Variants in CROCC2 observed in about 807,000 individuals in gnomAD.
The protein encoded by CROCC2 is ciliary rootlet coiled-coil, rootletin family member 2, also known as ciliary rootlet coiled-coil protein 2.
CROCC2 carries 163 observed loss-of-function variants against 177.6 expected under a neutral mutation model. The observed-to-expected ratio is 0.92, with a 90% CI of 0.81 to 1.05. The LOEUF (loss-of-function observed/expected upper bound fraction) is 1.05, where lower values mean the gene tolerates loss of function less well. CROCC2 is among the 50% of genes least tolerant of loss of function. The probability of loss-of-function intolerance (pLI) is 0.00; values close to 1 mark genes in which losing one functional copy is unlikely to be tolerated. For synonymous variants in CROCC2, 904 were observed against 787.3 expected, an observed-to-expected ratio of 1.15 and a Z score of -2.48; for missense variants, 1,929 against 1,797.8, an observed-to-expected ratio of 1.07 and a Z score of -1.32.
chr2:240,945,963 ACTT>A lies in CROCC2; in HGVS notation c.2170-91_2170-89del, dbSNP rs1267889737. The A allele has an allele frequency of 8.2e-5, 76 of 931,028 alleles. No homozygotes were observed. In the East Asian group the frequency reaches 2.0e-3, roughly 25 times the overall value. The allele number at this position is 931,028 out of a possible 1,614,324, so 57.7% of individuals were successfully genotyped here. ...CCTCCATGCCATTCTGCATAAAATCACTTCTTCTGAAGTCCTTTCTTCCCCTCA... is the reference window on the plus strand; with the variant it reads ...CCTCCATGCCATTCTGCATAAAATCACTTCTGAAGTCCTTTCTTCCCCTCA... On this transcript the variant is annotated intron_variant, in intron 14 of 31. Coordinates refer to ENST00000690015, the MANE Select transcript of CROCC2 (RefSeq NM_001351305.2).
chr2:240,968,344 A>G, intron 27 of CROCC2, 82 bp downstream of exon 27: 1 of 1,412,434 alleles, frequency 7.1e-7, no homozygotes, highest in South Asian at 1.5e-5. Flanking sequence ...CAGGGAGGCC[A>G]CAGGGCCGGG....
chr2:240,968,483 G>A (rs1005331172), intron 27 of CROCC2, among the ~76,000 whole-genome samples: 1 of 152,196 alleles, frequency 6.6e-6, no homozygotes, highest in Admixed American at 6.5e-5. Flanking sequence ...GACTGGGGTC[G>A]TCCTTAGCAG....
At chr2:240,936,762 T>C (rs2059473752) in intron 14 of CROCC2, among the ~76,000 whole-genome samples, 1 of 152,220 alleles carries the variant, frequency 6.6e-6, no homozygotes, top group African/African-American at 2.4e-5. Context: ...GTGGCTTATG[T>C]CTAGGTCCAT....
chr2:240,912,780 G>A (rs57305632), intron 1 of CROCC2, among the ~76,000 whole-genome samples: 7,016 of 152,268 alleles, frequency 0.046, 339 homozygotes, highest in East Asian at 0.23. Context: ...TAATCGTGCC[G>A]TGGTCTTTCT....
At position 240,960,423 on chromosome 2, in the gene CROCC2, G is replaced by T. The variant is rs997331528; in HGVS notation, c.3087+979G>T. Among the ~76,000 whole-genome samples the T allele has an allele frequency of 3.9e-5, 6 of 152,214 alleles. No individual in the cohort carries two copies. The East Asian group carries it at 1.2e-3, about 30-fold the overall frequency. ...GGTGGGGGACAGTCTTGGGCAGGGG[G>T]CAAGAGTGGCCAGGGCTAGGCTCAC... On this transcript the variant is annotated intron_variant, in intron 20 of 31. Transcript: ENST00000690015. The surrounding 1 kb of genome is among the most constrained non-coding windows in gnomAD (Gnocchi z 5.0).
Position 240,934,952 on chromosome 2 carries a change from AG to A in CROCC2, c.1830del (p.Arg610SerfsTer3). The A allele has an allele frequency of 6.6e-7, 1 of 1,518,884 alleles. No individual in the cohort carries two copies. Among genetic ancestry groups the A allele is most frequent in the Non-Finnish European group, 8.8e-7 (1 of 1,132,486 alleles). The allele number at this position is 1,518,884 out of a possible 1,614,324, so 94.1% of individuals were successfully genotyped here. Reference protein sequence around the residue: ...CSNADLELLVRRLKSEGVEQR... With the variant: ...CSNADLELLVXRLKSEGVEQR... ...CAATGCGGACCTGGAGCTTCTTGTG[AG>A]GCGGCTGAAGTCGGAGGGAGTGGAG... On this transcript the variant is annotated frameshift_variant, in exon 13 of 32. Coordinates refer to ENST00000690015, the MANE Select transcript of CROCC2 (RefSeq NM_001351305.2). LOFTEE classifies it high-confidence loss of function.
chr2:240,935,618 C>A, intron 14 of CROCC2, 30 bp downstream of exon 14: 1 of 1,365,122 alleles, frequency 7.3e-7, no homozygotes, highest in South Asian at 1.7e-5. Context: ...ATGCTGCCGC[C>A]GTCTGGGATG....
Position 240,930,190 on chromosome 2 carries a change from C to A in CROCC2, c.670C>A (p.Pro224Thr). 1 of 582,856 alleles carries A rather than the reference C, an allele frequency of 1.7e-6. No homozygotes were observed. Among genetic ancestry groups the A allele is most frequent in the Non-Finnish European group, 3.1e-6 (1 of 319,200 alleles). The allele number at this position is 582,856 out of a possible 1,614,324, so 36.1% of individuals were successfully genotyped here. ...GACCCGGTCAGGGGGCCTGGGGCAG[C>A]CCCGGGACCTCCTCCTCCTGTGGAG... ...RQTRSGGLGQ[P>T]RDLLLLWRQA... The change falls in exon 6 of 32, where the codon CCC becomes ACC. Residue 224 changes from proline to threonine, a missense_variant. Physicochemically the swap from Pro to Thr is conservative, Grantham distance 38. This residue lies in a region of CROCC2 where 1,397 missense variants were observed against 1,239.9 expected (regional missense o/e 1.13). Transcript: ENST00000690015.
intron 14 of CROCC2, among the ~76,000 whole-genome samples, chr2:240,941,600 A>G (rs1411354916): frequency 6.6e-6 from 1 of 152,250 alleles, no homozygotes; most frequent in Non-Finnish European, 1.5e-5. Flanking sequence ...TATTCAAGAA[A>G]TGGTGCTGGG....
rs569329385 is a variant in CROCC2 at position 240,982,678 on chromosome 2, G to T, written c.4402-202G>T. 136 of 519,540 alleles carry T rather than the reference G, an allele frequency of 2.6e-4. No homozygotes were observed. The highest frequency in any genetic ancestry group is 4.1e-4 in the Non-Finnish European group (121 of 296,572). 32.2% of individuals were successfully genotyped at this position (519,540 alleles called of 1,614,324 possible). On this transcript the variant is annotated intron_variant, in intron 27 of 31. Coordinates refer to ENST00000690015, the MANE Select transcript of CROCC2 (RefSeq NM_001351305.2). This position sits in a 1 kb window ranked among gnomAD's most constrained non-coding sequence, Gnocchi z 4.7. ...GACTTTCGTCTCAGGCTTCCTGGGG[G>T]TCCACACCTTTGAGGTTACATTGCA...
At chr2:240,950,859 C>T in intron 18 of CROCC2, 1 of 250,326 alleles carries the variant, frequency 4.0e-6, no homozygotes, top group Non-Finnish European at 7.7e-6. Flanking sequence ...ACCCATTCAC[C>T]CATCCATCTG....
intron 9 of CROCC2, 70 bp downstream of exon 9, chr2:240,932,978 G>A (rs2059443939): frequency 6.6e-7 from 1 of 1,520,566 alleles, no homozygotes; most frequent in South Asian, 1.2e-5. Flanking sequence ...CAGGCTGAAG[G>A]GTAGTTATGG....
chr2:240,980,995 A>G (rs372975235), intron 27 of CROCC2, among the ~76,000 whole-genome samples: 627 of 35,636 alleles, frequency 0.018, 1 homozygote, highest in African/African-American at 0.025. Context: ...AGGATCCCAG[A>G]CTCATCCCTG....
intron 14 of CROCC2, among the ~76,000 whole-genome samples, chr2:240,942,397 G>A (rs1254415775): frequency 6.6e-6 from 1 of 151,576 alleles, no homozygotes; most frequent in Admixed American, 6.6e-5. Flanking sequence ...ATACTTTTTG[G>A]GTCTTTGTCT....
Position 240,955,950 on chromosome 2 carries a change from A to G in CROCC2, c.2921A>G (p.Gln974Arg). The change falls in exon 19 of 32, where the codon CAG becomes CGG. Residue 974 changes from glutamine (Q) to arginine (R), a missense_variant. This residue lies in a region of CROCC2 where 1,397 missense variants were observed against 1,239.9 expected (regional missense o/e 1.13). Transcript: ENST00000690015. Reference sequence around the variant, plus strand: ...CTAGAGCGGGTACAGCAGGAGGCACAGAGCCAGCAGGAGCAAGCGCAGGTG... The same window carrying G: ...CTAGAGCGGGTACAGCAGGAGGCACGGAGCCAGCAGGAGCAAGCGCAGGTG... ...RTLERVQQEA[Q>R]SQQEQAQATI... is the part of the protein sequence containing the mutation. The G allele has an allele frequency of 1.3e-6, 2 of 1,534,616 alleles. No homozygotes were observed. Among genetic ancestry groups the G allele is most frequent in the Non-Finnish European group, 1.7e-6 (2 of 1,146,876 alleles).
intron 3 of CROCC2, 91 bp from the exon 4 acceptor site, chr2:240,922,448 C>T (rs1251407415): frequency 3.3e-6 from 2 of 606,682 alleles, no homozygotes; most frequent in Admixed American, 2.4e-5. Context: ...CTCTCTTCCC[C>T]ACTAAGGTCG....
At chr2:240,952,188 C>G (rs988922474) in intron 18 of CROCC2, among the ~76,000 whole-genome samples, 1 of 151,748 alleles carries the variant, frequency 6.6e-6, no homozygotes, top group Non-Finnish European at 1.5e-5. Context: ...TCTACTAAAA[C>G]CACAAAAAAT....
In CROCC2 at chr2:240,935,555, A is replaced by G; in HGVS notation, c.2136A>G (p.Arg712=). 7.4e-7 allele frequency: 1 copy of G among 1,348,512 alleles called. No individual in the cohort carries two copies. The highest frequency in any genetic ancestry group is 1.5e-5 in the African/African-American group (1 of 65,390). 83.5% of individuals were successfully genotyped at this position (1,348,512 alleles called of 1,614,324 possible). A position where few individuals can be genotyped will look rare whatever the true frequency, so the allele number is the denominator to read the frequency against. The change falls in exon 14 of 32, where the codon CGA becomes CGG. Residue 712 remains arginine (R), a synonymous_variant. Transcript: ENST00000690015. ...QLEGQAALLG[R]EKAQLQEQVG... ...AGGGGCAGGCAGCCCTGCTGGGGCG[A>G]GAGAAGGCCCAGCTCCAGGAGCAGG...
chr2:240,946,257 T>A lies in CROCC2; in HGVS notation c.2363+4T>A. On this transcript the variant is annotated splice_donor_region_variant and intron_variant, in intron 15 of 31. Transcript: ENST00000690015. The stretch of plus-strand genomic sequence containing the variant: ...CTGAAGAGGCAGCTGATCTCAGGTA[T>A]GCAAGGGCCTGCCAGTCAGGGCATG... The A allele has an allele frequency of 6.6e-7, 1 of 1,521,182 alleles. No individual in the cohort carries two copies. The highest frequency in any genetic ancestry group is 8.9e-7 in the Non-Finnish European group (1 of 1,124,702). 94.2% of individuals were successfully genotyped at this position (1,521,182 alleles called of 1,614,324 possible). A position where few individuals can be genotyped will look rare whatever the true frequency, so the allele number is the denominator to read the frequency against.
Sources: gnomAD v4.1 joint callset for allele counts (sites outside exome capture counted in the v4.1 genomes callset) on GRCh38, gnomAD v4.1.1 for gene constraint, gnomAD v4.1.1 regional missense constraint, Gnocchi (gnomAD v3.1) non-coding constraint, MANE v1.5 for transcripts, NCBI Gene and HGNC (gene_info 2026-07-23, HGNC 2026-07-21) for gene names.